The following PRKG1 variants were observed in gnomAD, a reference collection of about 807,000 sequenced individuals.
PRKG1 encodes the protein cGMP-dependent protein kinase 1.
Under a neutral mutation model 88.1 loss-of-function variants are expected in PRKG1, and 35 were observed. The ratio of observed to expected loss-of-function variants is 0.40; its 90% CI spans 0.30 to 0.53. PRKG1 has a LOEUF of 0.53. Ranked by LOEUF, PRKG1 falls within the 20% of genes least tolerant of loss-of-function variation. The pLI, the probability that PRKG1 is intolerant of heterozygous loss-of-function variation, is 0.59. For missense variants in PRKG1, 540 were observed against 839.8 expected (o/e 0.64, Z 4.41); for synonymous variants, 303 against 292.5 (o/e 1.04, Z -0.37).
intron 5 of PRKG1, among the ~76,000 whole-genome samples, chr10:51,968,820 C>CAAAAAAAAAAAAAAAA (rs56810665): frequency 5.7e-5 from 6 of 105,452 alleles, no homozygotes; most frequent in Admixed American, 1.0e-4. Context: ...AAAACTCCAT[C>CAAAAAAAAAAAAAAAA]AAAAAAAAAA....
intron 2 of PRKG1, among the ~76,000 whole-genome samples, chr10:51,425,416 C>T (rs1020141960): frequency 6.6e-6 from 1 of 152,156 alleles, no homozygotes; most frequent in Admixed American, 6.5e-5. Flanking sequence ...TGCATTTATA[C>T]AAATGAGATC....
intron 3 of PRKG1, among the ~76,000 whole-genome samples, chr10:51,739,702 G>A (rs888753793): frequency 1.3e-5 from 2 of 152,090 alleles, no homozygotes; most frequent in Non-Finnish European, 2.9e-5. Context: ...GCCAGGCGTG[G>A]TGGCTCATGG....
At chr10:51,750,747 A>G (rs922547362) in intron 3 of PRKG1, among the ~76,000 whole-genome samples, 1 of 152,226 alleles carries the variant, frequency 6.6e-6, no homozygotes, top group Non-Finnish European at 1.5e-5. Context: ...CCCACGAAAC[A>G]TAAAGATCAC....
At chr10:52,292,930 T>G (rs919556285) in intron 17 of PRKG1, among the ~76,000 whole-genome samples, 56 of 152,052 alleles carry the variant, frequency 3.7e-4, no homozygotes, top group African/African-American at 1.1e-3. Context: ...GCAGGAGAAG[T>G]AAATAAAGGG....
At chr10:51,800,846 C>G (rs1839154297) in intron 3 of PRKG1, among the ~76,000 whole-genome samples, 1 of 151,968 alleles carries the variant, frequency 6.6e-6, no homozygotes, top group Non-Finnish European at 1.5e-5. Context: ...GTGCTTTACC[C>G]CCATGATGTT....
intron 2 of PRKG1, among the ~76,000 whole-genome samples, chr10:51,360,527 T>C (rs951780065): frequency 3.9e-5 from 6 of 151,950 alleles, no homozygotes; most frequent in African/African-American, 1.2e-4. Context: ...ATTTTCAGTT[T>C]ACTTACTTGG....
chr10:52,261,224 G>T (rs1372541993), intron 10 of PRKG1, among the ~76,000 whole-genome samples: 1 of 151,728 alleles, frequency 6.6e-6, no homozygotes, highest in African/African-American at 2.4e-5. Flanking sequence ...GATATTTCTG[G>T]CCACCAGCTG....
rs112479167 is a variant in PRKG1 at position 51,701,442 on chromosome 10, G to A, written c.593-103143G>A. ...GCACTTAGCTGTTCACCCAAGATGC[G>A]CGACAGTTTATATTTGCAAGTGACA... On this transcript the variant is annotated intron_variant, in intron 3 of 17. Coordinates refer to ENST00000373980, the MANE Select transcript of PRKG1 (RefSeq NM_006258.4). Among the ~76,000 whole-genome samples, 757 of 152,180 alleles carry A rather than the reference G, an allele frequency of 5.0e-3. 12 individuals are homozygous for A. The highest frequency in any genetic ancestry group is 0.014 in the African/African-American group (589 of 41,512).
At chr10:52,040,050 A>G (rs78161554) in intron 5 of PRKG1, among the ~76,000 whole-genome samples, 3,639 of 152,256 alleles carry the variant, frequency 0.024, 132 homozygotes, top group African/African-American at 0.081. Context: ...ATGTAATTTA[A>G]TTCTCTCTTT....
chr10:51,135,046 A>G (rs921459632), intron 1 of PRKG1, among the ~76,000 whole-genome samples: 1 of 152,182 alleles, frequency 6.6e-6, no homozygotes, highest in Admixed American at 6.5e-5. Context: ...GAGTTTGTGG[A>G]GCACTTGTGT....
chr10:51,407,947 C>T (rs1251006363), intron 2 of PRKG1, among the ~76,000 whole-genome samples: 1 of 152,062 alleles, frequency 6.6e-6, no homozygotes, highest in Admixed American at 6.6e-5. Context: ...GCAATCTTAA[C>T]TTTCAGTTCA....
intron 7 of PRKG1, among the ~76,000 whole-genome samples, chr10:52,133,173 T>G (rs1411124132): frequency 6.6e-6 from 1 of 152,106 alleles, no homozygotes; most frequent in Non-Finnish European, 1.5e-5. Context: ...GGATCAAACA[T>G]AAGATACCAG....
intron 3 of PRKG1, among the ~76,000 whole-genome samples, chr10:51,644,268 T>C (rs1210321079): frequency 6.6e-6 from 1 of 152,168 alleles, no homozygotes; most frequent in African/African-American, 2.4e-5. Flanking sequence ...CTGTTTTGTG[T>C]TTTTGTTCTT....
rs187410319 is a variant in PRKG1 at position 51,191,246 on chromosome 10, G to T, written c.478+37916G>T. On this transcript the variant is annotated intron_variant, in intron 2 of 17. Transcript: ENST00000373980. ...TTCCTGAGAACCAGAACCACATTGGGTATTGTTCTCTGAGAAATAGTTTAC... is the reference window on the plus strand; with the variant it reads ...TTCCTGAGAACCAGAACCACATTGGTTATTGTTCTCTGAGAAATAGTTTAC... Among the ~76,000 whole-genome samples the T allele has an allele frequency of 8.7e-3, 1,325 of 151,896 alleles. 6 individuals carry two copies. The highest frequency in any genetic ancestry group is 0.034 in the Middle Eastern group (10 of 294).
At chr10:51,598,845 A>T (rs944401470) in intron 3 of PRKG1, among the ~76,000 whole-genome samples, 1 of 152,180 alleles carries the variant, frequency 6.6e-6, no homozygotes, top group South Asian at 2.1e-4. Flanking sequence ...AATGGGAAAC[A>T]ATTTAAAAAT....
intron 7 of PRKG1, among the ~76,000 whole-genome samples, chr10:52,075,531 G>GT (rs1253697613): frequency 2.0e-5 from 3 of 152,180 alleles, no homozygotes; most frequent in Non-Finnish European, 2.9e-5. Flanking sequence ...AGGCAGTGTG[G>GT]TATTGATATC....
chr10:52,144,004 T>C (rs1837655498), intron 8 of PRKG1, among the ~76,000 whole-genome samples: 1 of 152,158 alleles, frequency 6.6e-6, no homozygotes. Context: ...AATAAAATAC[T>C]TGGGGAACAT....
At chr10:51,721,510 A>C (rs1170967056) in intron 3 of PRKG1, among the ~76,000 whole-genome samples, 1 of 152,152 alleles carries the variant, frequency 6.6e-6, no homozygotes, top group African/African-American at 2.4e-5. Context: ...TTGGTAGAAA[A>C]GTGCGGTGGA....
At chr10:51,371,753 T>A (rs941086345) in intron 2 of PRKG1, among the ~76,000 whole-genome samples, 2 of 152,196 alleles carry the variant, frequency 1.3e-5, no homozygotes, top group African/African-American at 2.4e-5. Flanking sequence ...CAGGCTTTCC[T>A]CCTCAGTCAC....
Sources: gnomAD v4.1 joint callset for allele counts (sites outside exome capture counted in the v4.1 genomes callset) on GRCh38, gnomAD v4.1.1 for gene constraint, MANE v1.5 for transcripts, NCBI Gene and HGNC (gene_info 2026-07-23, HGNC 2026-07-21) for gene names.